The following PCDHA5 variants were observed in gnomAD, a reference collection of about 807,000 sequenced individuals.
The protein encoded by PCDHA5 is protocadherin alpha-5.
Under a neutral mutation model 61.6 loss-of-function variants are expected in PCDHA5, and 43 were observed. That is an observed-to-expected ratio of 0.70 (90% CI 0.55 to 0.90). PCDHA5 has a LOEUF of 0.90. Among genes scored for constraint, PCDHA5 ranks in the 40% least tolerant of loss-of-function variants. The pLI is 0.00. For synonymous variants in PCDHA5, 627 were observed against 543.9 expected, an observed-to-expected ratio of 1.15 and a Z score of -2.13; for missense variants, 1,298 against 1,222.7, an observed-to-expected ratio of 1.06 and a Z score of -0.92.
Position 141,012,131 on chromosome 5 carries a change from G to A in PCDHA5, c.*2194G>A, listed in dbSNP as rs1214098938. The A allele has an allele frequency of 1.3e-5, 2 of 153,688 alleles. No individual in the cohort carries two copies. The highest frequency in any genetic ancestry group is 2.9e-5 in the Non-Finnish European group (2 of 68,026). 9.5% of individuals were successfully genotyped at this position (153,688 alleles called of 1,614,324 possible). A position where few individuals can be genotyped will look rare whatever the true frequency, so the allele number is the denominator to read the frequency against. ...CTGAAGCCCATGTATCTGACCTTAC[G>A]TGCCTTTTGAACTAGGAGAATCGGG... On this transcript the variant is annotated 3_prime_UTR_variant, in exon 4 of 4. Transcript: ENST00000529859.
At chr5:140,983,293 A>C (rs2097040232) in intron 3 of PCDHA5, among the ~76,000 whole-genome samples, 1 of 152,240 alleles carries the variant, frequency 6.6e-6, no homozygotes, top group African/African-American at 2.4e-5. Context: ...AAAATTGCTT[A>C]AACTCACATT....
At chr5:140,907,712 T>A (rs1562961756) in intron 1 of PCDHA5, among the ~76,000 whole-genome samples, 1 of 152,198 alleles carries the variant, frequency 6.6e-6, no homozygotes, top group African/African-American at 2.4e-5. Context: ...GCTGAGCCCA[T>A]GTGTAACCTC....
intron 1 of PCDHA5, chr5:140,861,156 A>T (rs782717452): frequency 6.5e-6 from 1 of 154,840 alleles, no homozygotes; most frequent in Non-Finnish European, 1.4e-5. Context: ...ACAAGGACCA[A>T]AAGGTCTCAG....
At chr5:140,917,357 C>G (rs2078163128) in intron 1 of PCDHA5, among the ~76,000 whole-genome samples, 1 of 146,268 alleles carries the variant, frequency 6.8e-6, no homozygotes, top group African/African-American at 2.5e-5. Context: ...GGCTTCTGTT[C>G]CACTATCTTG....
At position 140,823,740 on chromosome 5, in the gene PCDHA5, GC is replaced by G; in HGVS notation, c.1970del (p.Pro657ArgfsTer2). 6.2e-7 allele frequency: 1 copy of G among 1,613,846 alleles called. No homozygotes were observed. Among genetic ancestry groups the G allele is most frequent in the Non-Finnish European group, 8.5e-7 (1 of 1,179,938 alleles). ...TGGTGCTGGTGAAGGACCATGGAGA[GC>G]CCCCGCTGACAGCCACAGCCACAGT... is the stretch of plus-strand genomic sequence containing the variant. ...LLVLVKDHGE[P>X]PLTATATVLV... On this transcript the variant is annotated frameshift_variant, in exon 1 of 4. Coordinates refer to ENST00000529859, the MANE Select transcript of PCDHA5 (RefSeq NM_018908.3). LOFTEE classifies it high-confidence loss of function.
intron 1 of PCDHA5, chr5:140,928,543 A>G: frequency 6.2e-7 from 1 of 1,614,204 alleles, no homozygotes; most frequent in Non-Finnish European, 8.5e-7. Context: ...TAGGAATGAC[A>G]ATTATCCGGT....
chr5:140,836,303 G>T (rs2150257246), intron 1 of PCDHA5: 3 of 1,613,706 alleles, frequency 1.9e-6, no homozygotes, highest in East Asian at 4.5e-5. Flanking sequence ...TAGATGAGAC[G>T]GACGCACCGC....
Position 140,863,280 on chromosome 5 carries a change from C to T in PCDHA5, c.2352+39153C>T, listed in dbSNP as rs782682336. The T allele has an allele frequency of 3.4e-6, 5 of 1,461,684 alleles. No individual in the cohort carries two copies. The African/African-American group carries it at 5.7e-5, about 17-fold the overall frequency. 90.5% of individuals were successfully genotyped at this position (1,461,684 alleles called of 1,614,324 possible). A position where few individuals can be genotyped will look rare whatever the true frequency, so the allele number is the denominator to read the frequency against. On this transcript the variant is annotated intron_variant, in intron 1 of 3. Coordinates refer to ENST00000529859, the MANE Select transcript of PCDHA5 (RefSeq NM_018908.3). ...TCCGGGAGGCAGCGCTGGTGGATGT[C>T]AACGTGTACCTGATCATCGCCATCT...
At chr5:140,834,072 A>G (rs2150213347) in intron 1 of PCDHA5, among the ~76,000 whole-genome samples, 43 of 152,334 alleles carry the variant, frequency 2.8e-4, no homozygotes, top group Admixed American at 5.9e-4. Flanking sequence ...GAGAAATGCT[A>G]TTTTAACCTT....
Position 140,824,102 on chromosome 5 carries a change from C to T in PCDHA5, c.2327C>T (p.Pro776Leu), listed in dbSNP as rs2150132175. 1 of 1,614,116 alleles carries T rather than the reference C, an allele frequency of 6.2e-7. No individual in the cohort carries two copies. Residue 776 changes from proline (P) to leucine (L), a missense_variant, in exon 1 of 4, where the codon CCT (proline) becomes CTT (leucine). Physicochemically the swap from Pro to Leu is moderately conservative, Grantham distance 98. Coordinates refer to ENST00000529859, the MANE Select transcript of PCDHA5 (RefSeq NM_018908.3). ...CTCATGGCCTTCAGTCCAAGCCTTC[C>T]TCAGGGTCCCACCTCTACAGACAAC... ...TDLMAFSPSL[P>L]QGPTSTDNPR...
At chr5:140,902,986 T>C (rs569244845) in intron 1 of PCDHA5, among the ~76,000 whole-genome samples, 1 of 152,346 alleles carries the variant, frequency 6.6e-6, no homozygotes, top group East Asian at 1.9e-4. Flanking sequence ...GTTGGTTCCA[T>C]ATTTTTGCAA....
chr5:141,010,377 G>A lies in PCDHA5; in HGVS notation c.*440G>A. 1 of 1,444,554 alleles carries A rather than the reference G, an allele frequency of 6.9e-7. No individual in the cohort carries two copies. The highest frequency in any genetic ancestry group is 1.4e-5 in the South Asian group (1 of 71,996). The allele number at this position is 1,444,554 out of a possible 1,614,324, so 89.5% of individuals were successfully genotyped here. ...GGCTACCGCGGGTATGCGAGTGCCA[G>A]ATATTGGCTGAGACGAGCCAGCTTA... On this transcript the variant is annotated 3_prime_UTR_variant, in exon 4 of 4. Transcript: ENST00000529859.
At chr5:140,943,791 C>G (rs74565063) in intron 1 of PCDHA5, among the ~76,000 whole-genome samples, 2,339 of 152,200 alleles carry the variant, frequency 0.015, 18 homozygotes, top group Middle Eastern at 0.027. Flanking sequence ...GTCCTTTATG[C>G]AAAGCAAAAG....
intron 1 of PCDHA5, chr5:140,969,008 G>A (rs782541476): frequency 6.2e-7 from 1 of 1,614,194 alleles, no homozygotes; most frequent in Non-Finnish European, 8.5e-7. Context: ...CTTCTGTGGA[G>A]TAAGGGAAAG....
rs782754440 is a variant in PCDHA5, at chr5:140,869,396, A to G, written c.2352+45269A>G. 3.2e-5 allele frequency: 51 copies of G among 1,614,230 alleles called. No homozygotes were observed. The highest frequency in any genetic ancestry group is 1.6e-4 in the Middle Eastern group (1 of 6,062). On this transcript the variant is annotated intron_variant, in intron 1 of 3. Transcript: ENST00000529859. ...ATCGACCGCGAGGAGCTGTGCGGGC[A>G]GAGCGCGGAGTGCAGCATCCACCTG...
chr5:140,866,320 C>T (rs1351694984), intron 1 of PCDHA5: 2 of 152,154 alleles, frequency 1.3e-5, no homozygotes, highest in African/African-American at 2.4e-5. Context: ...ATTTCAGGGA[C>T]CCTGAACTTG....
intron 1 of PCDHA5, among the ~76,000 whole-genome samples, chr5:140,963,588 A>G (rs1554226668): frequency 6.6e-6 from 1 of 152,218 alleles, no homozygotes; most frequent in African/African-American, 2.4e-5. Flanking sequence ...AATGTAGGAT[A>G]TAGTTCTAGA....
chr5:140,840,527 A>G (rs1776748487), intron 1 of PCDHA5, among the ~76,000 whole-genome samples: 1 of 152,080 alleles, frequency 6.6e-6, no homozygotes, highest in African/African-American at 2.4e-5. Context: ...AGAAAGATGA[A>G]GAACTAACAA....
At chr5:140,886,155 T>A (rs528104847) in intron 1 of PCDHA5, among the ~76,000 whole-genome samples, 1 of 152,330 alleles carries the variant, frequency 6.6e-6, no homozygotes, top group South Asian at 2.1e-4. Flanking sequence ...CACCTTTTTA[T>A]AGCCACATCT....
Sources: gnomAD v4.1 joint callset for allele counts (sites outside exome capture counted in the v4.1 genomes callset) on GRCh38, gnomAD v4.1.1 for gene constraint, MANE v1.5 for transcripts, NCBI Gene and HGNC (gene_info 2026-07-23, HGNC 2026-07-21) for gene names.